DPYD: variants seen among roughly 807,000 people sequenced by gnomAD.
The protein encoded by DPYD is dihydropyrimidine dehydrogenase.
DPYD carries 109 observed loss-of-function variants against 116.2 expected under a neutral mutation model. The observed-to-expected ratio is 0.94, with a 90% CI of 0.80 to 1.10. The LOEUF (loss-of-function observed/expected upper bound fraction) is 1.10. Among genes scored for constraint, DPYD ranks in the 50% least tolerant of loss-of-function variants. The pLI is 0.00. For missense variants in DPYD, 1,302 were observed against 1,254.5 expected (o/e 1.04, Z -0.57); for synonymous variants, 440 against 432.0 (o/e 1.02, Z -0.23).
intron 14 of DPYD, among the ~76,000 whole-genome samples, chr1:97,410,448 A>G (rs1673919504): frequency 6.6e-6 from 1 of 152,236 alleles, no homozygotes; most frequent in Non-Finnish European, 1.5e-5. Flanking sequence ...AATAAATTCA[A>G]CGATTATTTT....
intron 13 of DPYD, among the ~76,000 whole-genome samples, chr1:97,450,759 A>T (rs1292209853): frequency 6.6e-6 from 1 of 152,060 alleles, no homozygotes; most frequent in African/African-American, 2.4e-5. Context: ...ATGTGAAATT[A>T]CTTATAGGAT....
chr1:97,157,927 A>T (rs946523904), intron 20 of DPYD, among the ~76,000 whole-genome samples: 1 of 152,130 alleles, frequency 6.6e-6, no homozygotes, highest in African/African-American at 2.4e-5. Flanking sequence ...CTTTACAATG[A>T]GCAATGCTGA....
chr1:97,758,998 A>G (rs1319325856), intron 3 of DPYD, among the ~76,000 whole-genome samples: 1 of 152,192 alleles, frequency 6.6e-6, no homozygotes, highest in Non-Finnish European at 1.5e-5. Flanking sequence ...TGAGAATCCA[A>G]TAAAGTACAC....
intron 16 of DPYD, among the ~76,000 whole-genome samples, chr1:97,343,071 T>C (rs1026759372): frequency 6.6e-6 from 1 of 152,176 alleles, no homozygotes; most frequent in African/African-American, 2.4e-5. Context: ...AATCAGTACA[T>C]TTCCTTAATG....
Position 97,573,419 on chromosome 1 carries a change from T to C in DPYD, c.1339+341A>G, listed in dbSNP as rs1454554829. Among the ~76,000 whole-genome samples the C allele has an allele frequency of 2.0e-5, 3 of 152,070 alleles. No homozygotes were observed. In the East Asian group the frequency reaches 5.8e-4, roughly 29 times the overall value. On this transcript the variant is annotated intron_variant, in intron 11 of 22. Transcript: ENST00000370192. ...TGTCTGAATCATTGAAGACTGGCTG[T>C]TCCAACTACTCTGCCTCATTTTCTT...
chr1:97,770,888 AATATC>A lies in DPYD; in HGVS notation c.234-30414_234-30410del, dbSNP rs1042182725. On this transcript the variant is annotated intron_variant, in intron 3 of 22. Coordinates refer to ENST00000370192, the MANE Select transcript of DPYD (RefSeq NM_000110.4). ...TGCATATGTAGCTAAAACAGACAATAATATCATAAGTATTATAAACTAGTCATTGT... is the reference window on the plus strand; with the variant it reads ...TGCATATGTAGCTAAAACAGACAATAATAAGTATTATAAACTAGTCATTGT... Among the ~76,000 whole-genome samples, 7 of 152,352 alleles carry A rather than the reference AATATC, an allele frequency of 4.6e-5. 1 individual carries two copies. The South Asian group carries it at 1.2e-3, about 27-fold the overall frequency.
chr1:97,533,491 G>A (rs926640383), intron 12 of DPYD, among the ~76,000 whole-genome samples: 1 of 152,116 alleles, frequency 6.6e-6, no homozygotes, highest in Non-Finnish European at 1.5e-5. Flanking sequence ...GGCAAAGGTG[G>A]TGATACTGCT....
At chr1:97,578,764 A>G (rs1253135562) in intron 10 of DPYD, among the ~76,000 whole-genome samples, 1 of 152,184 alleles carries the variant, frequency 6.6e-6, no homozygotes, top group East Asian at 1.9e-4. Flanking sequence ...GAGGAGACTC[A>G]AGCTTCCCAG....
chr1:97,702,688 A>G (rs1661664220), intron 5 of DPYD, among the ~76,000 whole-genome samples: 1 of 151,994 alleles, frequency 6.6e-6, no homozygotes, highest in Non-Finnish European at 1.5e-5. Context: ...CTCATAAGCA[A>G]GAAATAGGTT....
At chr1:97,751,458 G>GTATATATATATATA (rs1345170970) in intron 3 of DPYD, among the ~76,000 whole-genome samples, 24 of 22,042 alleles carry the variant, frequency 1.1e-3, no homozygotes, top group Admixed American at 1.7e-3. Flanking sequence ...GTGTGTGTGT[G>GTATATATATATATA]TGTATATATA....
chr1:97,679,767 C>A (rs1425166075), intron 7 of DPYD, among the ~76,000 whole-genome samples: 1 of 152,060 alleles, frequency 6.6e-6, no homozygotes, highest in African/African-American at 2.4e-5. Flanking sequence ...GTAAAAGTCA[C>A]AATGCTTGGT....
chr1:97,410,328 C>G (rs1673911758), intron 14 of DPYD, among the ~76,000 whole-genome samples: 1 of 152,052 alleles, frequency 6.6e-6, no homozygotes, highest in South Asian at 2.1e-4. Context: ...ATTTGAAAGT[C>G]TTTTTGCATC....
intron 8 of DPYD, among the ~76,000 whole-genome samples, chr1:97,618,544 T>C (rs191413383): frequency 6.6e-6 from 1 of 152,030 alleles, no homozygotes; most frequent in Non-Finnish European, 1.5e-5. Flanking sequence ...CCCGGTTAAT[T>C]TTTTTGTATA....
intron 9 of DPYD, 150 bp from the exon 10 acceptor site, chr1:97,593,537 A>T: frequency 1.1e-6 from 1 of 876,738 alleles, no homozygotes; most frequent in Non-Finnish European, 1.8e-6. Context: ...GCTTCATTGA[A>T]AGACAGTTTT....
chr1:97,721,578 C>T lies in DPYD; in HGVS notation c.415G>A (p.Gly139Arg), dbSNP rs1206385725. 6.2e-7 allele frequency: 1 copy of T among 1,611,832 alleles called. No homozygotes were observed. Among genetic ancestry groups the T allele is most frequent in the Non-Finnish European group, 8.5e-7 (1 of 1,178,506 alleles). Residue 139 changes from glycine (G) to arginine (R), a missense_variant, in exon 5 of 23, where the codon GGA becomes AGA. Coordinates refer to ENST00000370192, the MANE Select transcript of DPYD (RefSeq NM_000110.4). ...TCTTCAGTGGCATATAAATTGCATC[C>T]ACCTACACAAAGATCAGAGGTTGGA... ...VCPTSDLCVG[G>R]CNLYATEEGP...
chr1:97,494,751 A>AAC (rs10657499), intron 13 of DPYD, among the ~76,000 whole-genome samples: 62,395 of 146,522 alleles, frequency 0.43, 13,439 homozygotes, highest in East Asian at 0.71. Context: ...CAAAAAAGAA[A>AAC]ACACACACAC....
intron 8 of DPYD, among the ~76,000 whole-genome samples, chr1:97,651,048 A>T (rs528018238): frequency 1.3e-5 from 2 of 152,286 alleles, no homozygotes; most frequent in East Asian, 3.9e-4. Flanking sequence ...TGAGTGTTCA[A>T]TTAAGACCTC....
chr1:97,543,919 C>T (rs1368302556), intron 12 of DPYD, among the ~76,000 whole-genome samples: 1 of 152,086 alleles, frequency 6.6e-6, no homozygotes, highest in Non-Finnish European at 1.5e-5. Context: ...GAGGAGAAAG[C>T]CAATCCTGAA....
chr1:97,425,861 T>C (rs1448686065), intron 14 of DPYD, among the ~76,000 whole-genome samples: 4 of 151,782 alleles, frequency 2.6e-5, no homozygotes, highest in Non-Finnish European at 4.4e-5. Context: ...ATTTCATACA[T>C]ATTATACATT....
Sources: gnomAD v4.1 joint callset for allele counts (sites outside exome capture counted in the v4.1 genomes callset) on GRCh38, gnomAD v4.1.1 for gene constraint, MANE v1.5 for transcripts, NCBI Gene and HGNC (gene_info 2026-07-23, HGNC 2026-07-21) for gene names.